RRP12: variants seen among roughly 807,000 people sequenced by gnomAD.
RRP12 encodes RRP12-like protein.
In RRP12, 78 loss-of-function variants were observed where a neutral mutation model predicts 157.3. That is an observed-to-expected ratio of 0.50 (90% CI 0.41 to 0.60). The LOEUF (loss-of-function observed/expected upper bound fraction) is 0.60, where lower values mean the gene tolerates loss of function less well. RRP12 is among the 20% of genes least tolerant of loss of function. RRP12 has a pLI of 0.00. For synonymous variants in RRP12, 726 were observed against 670.9 expected (o/e 1.08, Z -1.27); for missense variants, 1,521 against 1,679.9 (o/e 0.91, Z 1.65).
At chr10:97,370,018 G>T in intron 24 of RRP12, 149 bp downstream of exon 24, 1 of 625,572 alleles carries the variant, frequency 1.6e-6, no homozygotes. Flanking sequence ...CCCGCAGGAA[G>T]GGAGACAGGG....
At position 97,388,358 on chromosome 10, in the gene RRP12, G is replaced by A. The variant is rs544897429; in HGVS notation, c.911C>T (p.Thr304Met). The A allele has an allele frequency of 1.6e-5, 26 of 1,613,944 alleles. No individual in the cohort carries two copies. Among genetic ancestry groups the A allele is most frequent in the East Asian group, 6.7e-5 (3 of 44,890 alleles). ...KSGGSKEATT[T>M]LHMLTLLKDL... Reference sequence around the variant, plus strand: ...CTTCAGCAGCGTCAGCATGTGCAGCGTGGTGGTGGCCTCCTTGGAGCCTGG... The same window carrying A: ...CTTCAGCAGCGTCAGCATGTGCAGCATGGTGGTGGCCTCCTTGGAGCCTGG... The change falls in exon 8 of 34, where the codon ACG becomes ATG. Residue 304 changes from threonine to methionine, a missense_variant. Thr to Met is a moderately conservative substitution (Grantham distance 81). Transcript: ENST00000370992.
chr10:97,387,325 T>C (rs1844661334), intron 8 of RRP12, among the ~76,000 whole-genome samples: 1 of 151,716 alleles, frequency 6.6e-6, no homozygotes, highest in East Asian at 1.9e-4. Flanking sequence ...TTTCCTTTTT[T>C]TTCTTTTTCC....
Position 97,377,162 on chromosome 10 carries a change from G to A in RRP12, c.1798+2131C>T, listed in dbSNP as rs1844332902. Among the ~76,000 whole-genome samples the A allele has an allele frequency of 3.3e-5, 5 of 151,954 alleles. 2 individuals carry two copies. In the South Asian group the frequency reaches 1.0e-3, roughly 32 times the overall value. On this transcript the variant is annotated intron_variant, in intron 15 of 33. Transcript: ENST00000370992. ...CCCCGAGTGCTAGGATTACAGGTGT[G>A]AGCCACTGTGCCCAGCCCACGGTAC...
intron 2 of RRP12, among the ~76,000 whole-genome samples, chr10:97,398,825 A>G (rs1413956752): frequency 6.6e-6 from 1 of 152,126 alleles, no homozygotes; most frequent in Non-Finnish European, 1.5e-5. Flanking sequence ...AGTATTTCCA[A>G]TGAAAATTTA....
intron 30 of RRP12, 55 bp from the exon 31 acceptor site, chr10:97,360,673 G>T: frequency 3.7e-6 from 5 of 1,349,786 alleles, no homozygotes; most frequent in Non-Finnish European, 5.3e-6. Context: ...GCCCACCCTC[G>T]GGAATGCCAA....
At chr10:97,390,902 G>T in intron 4 of RRP12, 58 bp from the exon 5 acceptor site, 1 of 1,143,288 alleles carries the variant, frequency 8.7e-7, no homozygotes, top group Non-Finnish European at 1.3e-6. Context: ...AGCTGGTGCA[G>T]CCCCTCGTGG....
intron 15 of RRP12, among the ~76,000 whole-genome samples, chr10:97,378,530 T>G (rs1187298288): frequency 6.6e-6 from 1 of 152,198 alleles, no homozygotes; most frequent in Admixed American, 6.5e-5. Context: ...GGCGTGTGAC[T>G]GTGTATGTGT....
chr10:97,388,746 A>G, intron 6 of RRP12, 122 bp from the exon 7 acceptor site: 1 of 1,212,076 alleles, frequency 8.3e-7, no homozygotes, highest in Non-Finnish European at 1.2e-6. Flanking sequence ...TGATCTGACT[A>G]CTATAGATCC....
At chr10:97,383,942 C>T (rs1007274924) in intron 10 of RRP12, among the ~76,000 whole-genome samples, 4 of 152,214 alleles carry the variant, frequency 2.6e-5, no homozygotes, top group Non-Finnish European at 5.9e-5. Flanking sequence ...CAGACCCTGT[C>T]AGAACGAGCT....
intron 24 of RRP12, among the ~76,000 whole-genome samples, 164 bp from the exon 25 acceptor site, chr10:97,369,746 T>A (rs1390131071): frequency 6.6e-6 from 1 of 152,178 alleles, no homozygotes; most frequent in Non-Finnish European, 1.5e-5. Flanking sequence ...TGGTCTTGGG[T>A]CCTTTCGTCA....
At position 97,357,154 on chromosome 10, in the gene RRP12, C is replaced by T; in HGVS notation, c.3834G>A (p.Lys1278=). 1 of 1,613,466 alleles carries T rather than the reference C, an allele frequency of 6.2e-7. No homozygotes were observed. Among genetic ancestry groups the T allele is most frequent in the East Asian group, 2.2e-5 (1 of 44,816 alleles). ...KLQGQFKGLV[K]AARRGSQVGH... ...CCACCTGGGAACCTCGCCGGGCAGC[C>T]TTCACCAGGCCTTTGAACTGTCCCT... The change falls in exon 34 of 34, where the codon AAG becomes AAA. Residue 1278 remains lysine (K), a synonymous_variant. Coordinates refer to ENST00000370992, the MANE Select transcript of RRP12 (RefSeq NM_015179.4).
At chr10:97,358,853 C>G in intron 32 of RRP12, 90 bp downstream of exon 32, 1 of 1,113,012 alleles carries the variant, frequency 9.0e-7, no homozygotes, top group South Asian at 1.3e-5. Flanking sequence ...GAAGGTGCCT[C>G]TCAGGACAGT....
Position 97,370,254 on chromosome 10 carries a change from C to T in RRP12, c.2710G>A (p.Val904Ile), listed in dbSNP as rs371783552. 34 of 1,598,472 alleles carry T rather than the reference C, an allele frequency of 2.1e-5. No individual in the cohort carries two copies. The highest frequency in any genetic ancestry group is 1.3e-4 in the African/African-American group (10 of 74,846). The change falls in exon 24 of 34, where the codon GTC becomes ATC. Residue 904 changes from valine to isoleucine, a missense_variant. Val to Ile is a conservative substitution (Grantham distance 29). Coordinates refer to ENST00000370992, the MANE Select transcript of RRP12 (RefSeq NM_015179.4). ...CCCACCAGGCCAGGGTAGATCAGGA[C>T]GAGGTAGCACTGCAGGGCCTCTGGG... is the stretch of plus-strand genomic sequence containing the variant. ...NQEEALQCYL[V>I]LIYPGLVGAV...
chr10:97,372,115 A>C lies in RRP12; in HGVS notation c.2301T>G (p.Ala767=), dbSNP rs753730512. 6.2e-7 allele frequency: 1 copy of C among 1,613,736 alleles called. No homozygotes were observed. Among genetic ancestry groups the C allele is most frequent in the South Asian group, 1.1e-5 (1 of 91,072 alleles). ...TGGTGGAGTATAGCTTACTGATGGC[A>C]GCTTCGTCAGCACACGGAGCCAAGG... ...VVALAPCADE[A]AISKLYSTIR... Residue 767 remains alanine (A), a synonymous_variant, in exon 20 of 34, where the codon GCT becomes GCG. Transcript: ENST00000370992.
chr10:97,383,563 T>C (rs11189179), intron 10 of RRP12, among the ~76,000 whole-genome samples: 58,123 of 152,114 alleles, frequency 0.38, 11,581 homozygotes, highest in African/African-American at 0.5. Context: ...AGCCACGAGG[T>C]CTAAGAGGCC....
At chr10:97,389,153 G>A (rs1844725018) in intron 6 of RRP12, among the ~76,000 whole-genome samples, 1 of 152,138 alleles carries the variant, frequency 6.6e-6, no homozygotes, top group Admixed American at 6.5e-5. Flanking sequence ...GGAGTGCAGT[G>A]GCGGATCTCG....
At chr10:97,371,138 C>A in intron 20 of RRP12, 57 bp from the exon 21 acceptor site, 1 of 1,562,236 alleles carries the variant, frequency 6.4e-7, no homozygotes, top group Non-Finnish European at 8.7e-7. Flanking sequence ...CCAATGCTAT[C>A]CACGGAGCAT....
Position 97,371,057 on chromosome 10 carries a change from T to C in RRP12, c.2368A>G (p.Lys790Glu). The C allele has an allele frequency of 3.7e-6, 6 of 1,613,698 alleles. No individual in the cohort carries two copies. The highest frequency in any genetic ancestry group is 5.1e-6 in the Non-Finnish European group (6 of 1,179,900). The change falls in exon 21 of 34, where the codon AAG (lysine) becomes GAG (glutamate). Residue 790 changes from lysine to glutamate, a missense_variant. Lys to Glu is a moderately conservative substitution (Grantham distance 56). Transcript: ENST00000370992. ...ACCTCCTCCAGCACTCGGTAGGCCT[T>C]CTTCTGCACCCCGTGGGCCTTGCTC... ...LESKAHGVQKKAYRVLEEVCA... is the reference protein window; with the variant it reads ...LESKAHGVQKEAYRVLEEVCA...
chr10:97,390,368 G>C, intron 6 of RRP12, 55 bp downstream of exon 6: 1 of 1,362,204 alleles, frequency 7.3e-7, no homozygotes, highest in Non-Finnish European at 1.0e-6. Context: ...GGGCTGCACT[G>C]GGCTGAGTGG....
Sources: gnomAD v4.1 joint callset for allele counts (sites outside exome capture counted in the v4.1 genomes callset) on GRCh38, gnomAD v4.1.1 for gene constraint, MANE v1.5 for transcripts, NCBI Gene and HGNC (gene_info 2026-07-23, HGNC 2026-07-21) for gene names.